Variants in COL6A3 observed in about 807,000 individuals in gnomAD.
COL6A3 encodes the protein collagen type VI alpha 3 chain, also known as collagen alpha-3(VI) chain.
A neutral mutation model predicts 274.1 loss-of-function variants in COL6A3; 137 were observed. That is an observed-to-expected ratio of 0.50 (90% CI 0.44 to 0.58). COL6A3 has a LOEUF of 0.58. Ranked by LOEUF, COL6A3 falls within the 20% of genes least tolerant of loss-of-function variation. COL6A3 has a pLI of 0.00. For synonymous variants in COL6A3, 1,650 were observed against 1,650.6 expected (o/e 1.00, Z 0.01); for missense variants, 3,950 against 4,124.9 (o/e 0.96, Z 1.16).
At chr2:237,334,458 G>C (rs1423212700) in intron 41 of COL6A3, among the ~76,000 whole-genome samples, 168 bp downstream of exon 41, 2 of 152,208 alleles carry the variant, frequency 1.3e-5, no homozygotes, top group Non-Finnish European at 2.9e-5. Flanking sequence ...TATAAGCTTA[G>C]GCTGCCACCA....
chr2:237,372,021 A>G lies in COL6A3; in HGVS notation c.3996T>C (p.Ile1332=). The part of the protein sequence containing the change: ...NIFKRPLGSR[I]EEGVPQFLVL... ...CCAGGAACTGCGGGACGCCCTCTTC[A>G]ATGCGGCTCCCCAGGGGCCTCTTGA... is the stretch of plus-strand genomic sequence containing the variant. Residue 1332 remains isoleucine, a synonymous_variant, in exon 9 of 44, where the codon ATT becomes ATC. Transcript: ENST00000295550. 1 of 1,614,116 alleles carries G rather than the reference A, an allele frequency of 6.2e-7. No individual in the cohort carries two copies.
chr2:237,371,774 G>A lies in COL6A3; in HGVS notation c.4243C>T (p.Gln1415Ter), dbSNP rs1288547552. 3 of 1,610,404 alleles carry A rather than the reference G, an allele frequency of 1.9e-6. No homozygotes were observed. Among genetic ancestry groups the A allele is most frequent in the East Asian group, 2.2e-5 (1 of 44,794 alleles). Residue 1415 changes from glutamine to a stop codon, truncating the protein, a stop_gained, in exon 9 of 44, where the codon CAG (glutamine) becomes TAG (stop). Coordinates refer to ENST00000295550, the MANE Select transcript of COL6A3 (RefSeq NM_004369.4). LOFTEE classifies it high-confidence loss of function. This position sits in a 1 kb window ranked among gnomAD's most constrained non-coding sequence, Gnocchi z 4.3. ...GTGCTGGCTAAGAGCTTCTGGATCT[G>A]CTCTGAGGTCAGGGTCGTGATGGGC... ...LTPITTLTSEQIQKLLASTRY... is the reference protein window; with the variant it reads ...LTPITTLTSE
chr2:237,384,616 C>T (rs2078098796), intron 4 of COL6A3, among the ~76,000 whole-genome samples: 3 of 152,112 alleles, frequency 2.0e-5, no homozygotes, highest in Admixed American at 2.0e-4. Flanking sequence ...GCCTGCCCAC[C>T]ATCCTCCCAT....
chr2:237,350,326 A>G, intron 27 of COL6A3, 117 bp from the exon 28 acceptor site: 1 of 855,590 alleles, frequency 1.2e-6, no homozygotes, highest in Non-Finnish European at 1.9e-6. Context: ...CACCTTTGAG[A>G]TTTCGGTGGA....
chr2:237,386,260 G>A (rs1166927514), intron 4 of COL6A3, among the ~76,000 whole-genome samples: 1 of 152,210 alleles, frequency 6.6e-6, no homozygotes, highest in African/African-American at 2.4e-5. Flanking sequence ...TTAAGTAGAG[G>A]TCAGCTCCTT....
chr2:237,354,086 A>T (rs2077265108), intron 24 of COL6A3, among the ~76,000 whole-genome samples: 1 of 149,778 alleles, frequency 6.7e-6, no homozygotes, highest in East Asian at 2.0e-4. Context: ...ATCTTGGCTC[A>T]CTGCAACCTC....
rs1052768504 is a variant in COL6A3 at position 237,383,673 on chromosome 2, G to A, written c.1313-2174C>T. On this transcript the variant is annotated intron_variant, in intron 4 of 43. Transcript: ENST00000295550. ...AAATACTCATATAACAATGACCTGA[G>A]AAGCTACTTGCTCCTATACCAAGTG... Among the ~76,000 whole-genome samples, 8 of 152,146 alleles carry A rather than the reference G, an allele frequency of 5.3e-5. No homozygotes were observed. The South Asian group carries it at 1.7e-3, about 32-fold the overall frequency.
chr2:237,412,869 C>G (rs2078890467), intron 1 of COL6A3, among the ~76,000 whole-genome samples: 2 of 152,116 alleles, frequency 1.3e-5, no homozygotes, highest in South Asian at 2.1e-4. Context: ...CCTGCCTCCC[C>G]ATCCAGCACA....
chr2:237,389,221 G>A (rs536990250), intron 3 of COL6A3, among the ~76,000 whole-genome samples: 2 of 152,284 alleles, frequency 1.3e-5, no homozygotes, highest in South Asian at 2.1e-4. Flanking sequence ...GAGGAATAGG[G>A]ATCGAGAAAT....
intron 27 of COL6A3, among the ~76,000 whole-genome samples, chr2:237,350,427 G>A (rs988866646): frequency 6.6e-6 from 1 of 152,168 alleles, no homozygotes; most frequent in African/African-American, 2.4e-5. Context: ...GTGGCATGGG[G>A]GACGGGCTGA....
At chr2:237,370,861 A>G (rs1221512748) in intron 9 of COL6A3, among the ~76,000 whole-genome samples, 2 of 152,212 alleles carry the variant, frequency 1.3e-5, no homozygotes, top group Non-Finnish European at 2.9e-5. Context: ...CCCCCACAAC[A>G]GACAAGGCTA....
In COL6A3 at chr2:237,387,801, C is replaced by A; in HGVS notation, c.1093G>T (p.Gly365Trp). ...AGPSSDEIRY[G>W]VVALKQASVF... ...CTAGCCTGCTTCAGTGCTACCACCCCGTAGCGAATCTCGTCACTAGAAGGC... is the reference window on the plus strand; with the variant it reads ...CTAGCCTGCTTCAGTGCTACCACCCAGTAGCGAATCTCGTCACTAGAAGGC... The change falls in exon 4 of 44, where the codon GGG (glycine) becomes TGG (tryptophan). Residue 365 changes from glycine (G) to tryptophan (W), a missense_variant. Physicochemically the swap from Gly to Trp is radical, Grantham distance 184. This residue lies in a region of COL6A3 where 1,934 missense variants were observed against 1,984.3 expected (regional missense o/e 0.97). Coordinates refer to ENST00000295550, the MANE Select transcript of COL6A3 (RefSeq NM_004369.4). 1 of 1,614,142 alleles carries A rather than the reference C, an allele frequency of 6.2e-7. No individual in the cohort carries two copies. The highest frequency in any genetic ancestry group is 8.5e-7 in the Non-Finnish European group (1 of 1,180,026).
intron 1 of COL6A3, among the ~76,000 whole-genome samples, chr2:237,403,673 A>C (rs780657656): frequency 3.9e-5 from 6 of 152,166 alleles, no homozygotes; most frequent in African/African-American, 7.2e-5. Flanking sequence ...ATATATGTTA[A>C]CACAATGTAG....
rs745562109 is a variant in COL6A3, at chr2:237,344,858, G to A, written c.7175-15C>T. 13 of 1,613,704 alleles carry A rather than the reference G, an allele frequency of 8.1e-6. No individual in the cohort carries two copies. The highest frequency in any genetic ancestry group is 1.3e-5 in the African/African-American group (1 of 75,046). On this transcript the variant is annotated splice_polypyrimidine_tract_variant and intron_variant, in intron 35 of 43. Coordinates refer to ENST00000295550, the MANE Select transcript of COL6A3 (RefSeq NM_004369.4). This position sits in a 1 kb window ranked among gnomAD's most constrained non-coding sequence, Gnocchi z 4.8. The stretch of plus-strand genomic sequence containing the variant: ...CTCCAGGGGCCCTGTGGAAAGTAGA[G>A]GGTGGAGGGTTAAAGACAAACTGTA...
At chr2:237,405,641 A>G (rs754487636) in intron 1 of COL6A3, among the ~76,000 whole-genome samples, 3 of 152,120 alleles carry the variant, frequency 2.0e-5, no homozygotes, top group Non-Finnish European at 4.4e-5. Flanking sequence ...TTGAAACCCC[A>G]GCAAGGCAAA....
chr2:237,337,295 G>GT (rs1700598892), intron 39 of COL6A3, among the ~76,000 whole-genome samples: 1 of 152,198 alleles, frequency 6.6e-6, no homozygotes, highest in East Asian at 1.9e-4. Flanking sequence ...AGATAAAAAG[G>GT]TTGAGCCAAT....
chr2:237,372,462 A>C (rs2077718636), intron 8 of COL6A3, 125 bp from the exon 9 acceptor site: 1 of 1,561,984 alleles, frequency 6.4e-7, no homozygotes, highest in South Asian at 1.1e-5. Context: ...CCACTGTTAA[A>C]AGTCCAAGAA....
chr2:237,365,749 G>T lies in COL6A3; in HGVS notation c.5787C>A (p.Thr1929=). The change falls in exon 12 of 44, where the codon ACC becomes ACA. Residue 1929 remains threonine (T), a synonymous_variant. Transcript: ENST00000295550. ...SQHPYVLTED[T]LKVYLNKFRQ... ...TGAACTTGTTCAGGTAGACCTTCAG[G>T]GTGTCCTCCGTGAGGACGTAGGGGT... 6.2e-7 allele frequency: 1 copy of T among 1,614,188 alleles called. No individual in the cohort carries two copies. The highest frequency in any genetic ancestry group is 8.5e-7 in the Non-Finnish European group (1 of 1,180,046).
In COL6A3 at chr2:237,364,839, G is replaced by C. The variant is rs118026680; in HGVS notation, c.5839-411C>G. Among the ~76,000 whole-genome samples the C allele has an allele frequency of 1.7e-3, 252 of 149,686 alleles. 5 individuals carry two copies. In the East Asian group the frequency reaches 0.046, roughly 27 times the overall value. On this transcript the variant is annotated intron_variant, in intron 12 of 43. Coordinates refer to ENST00000295550, the MANE Select transcript of COL6A3 (RefSeq NM_004369.4). The surrounding 1 kb of genome is among the most constrained non-coding windows in gnomAD (Gnocchi z 4.6). ...CGTGTGTGTGCATGTGTGGGTGTGT[G>C]GGTGTACATGTGTGTGGGTGCGTAT...
Sources: gnomAD v4.1 joint callset for allele counts (sites outside exome capture counted in the v4.1 genomes callset) on GRCh38, gnomAD v4.1.1 for gene constraint, gnomAD v4.1.1 regional missense constraint, Gnocchi (gnomAD v3.1) non-coding constraint, MANE v1.5 for transcripts, NCBI Gene and HGNC (gene_info 2026-07-23, HGNC 2026-07-21) for gene names.